SMO: variants seen among roughly 807,000 people sequenced by gnomAD.
The protein encoded by SMO is smoothened, frizzled class receptor.
A neutral mutation model predicts 81.6 loss-of-function variants in SMO; 40 were observed. The observed-to-expected ratio is 0.49, with a 90% CI of 0.38 to 0.64. The LOEUF (loss-of-function observed/expected upper bound fraction) is 0.64, where lower values mean the gene tolerates loss of function less well. Ranked by LOEUF, SMO falls within the 30% of genes least tolerant of loss-of-function variation. The pLI, the probability that SMO is intolerant of heterozygous loss-of-function variation, is 0.00. For synonymous variants in SMO, 434 were observed against 432.1 expected (o/e 1.00, Z -0.05); for missense variants, 916 against 1,061.1 (o/e 0.86, Z 1.90).
chr7:129,197,031 A>AT (rs1278772850), intron 1 of SMO, among the ~76,000 whole-genome samples: 21 of 151,462 alleles, frequency 1.4e-4, no homozygotes, highest in African/African-American at 4.6e-4. Flanking sequence ...AAAAAAAAAA[A>AT]AAAGAAATAA....
intron 1 of SMO, among the ~76,000 whole-genome samples, chr7:129,196,229 G>A (rs972930535): frequency 6.6e-6 from 1 of 151,474 alleles, no homozygotes; most frequent in African/African-American, 2.4e-5. Context: ...TGAAATTCAT[G>A]GACCTCTGAA....
In SMO at chr7:129,211,911, T is replaced by C; in HGVS notation, c.1937-113T>C. 7.1e-7 allele frequency: 1 copy of C among 1,416,304 alleles called. No homozygotes were observed. Among genetic ancestry groups the C allele is most frequent in the Non-Finnish European group, 9.6e-7 (1 of 1,037,906 alleles). The allele number at this position is 1,416,304 out of a possible 1,614,324, so 87.7% of individuals were successfully genotyped here. On this transcript the variant is annotated intron_variant, in intron 11 of 11. Coordinates refer to ENST00000249373, the MANE Select transcript of SMO (RefSeq NM_005631.5). The surrounding 1 kb of genome is among the most constrained non-coding windows in gnomAD (Gnocchi z 4.6). ...GATCTGAAGAGTGGGGCTGAGGCTC[T>C]AAGAGTCTAGAGACCTGGGCCCCAG...
chr7:129,192,230 A>C (rs1793492180), intron 1 of SMO, among the ~76,000 whole-genome samples: 1 of 152,150 alleles, frequency 6.6e-6, no homozygotes, highest in Non-Finnish European at 1.5e-5. Flanking sequence ...GTTTGAAGGG[A>C]TAGGAAGAGG....
In SMO at chr7:129,189,141, C is replaced by G. The variant is rs1226577963; in HGVS notation, c.-11C>G. 3 of 1,193,760 alleles carry G rather than the reference C, an allele frequency of 2.5e-6. No homozygotes were observed. Among genetic ancestry groups the G allele is most frequent in the Admixed American group, 4.4e-5 (1 of 22,790 alleles). 73.9% of individuals were successfully genotyped at this position (1,193,760 alleles called of 1,614,324 possible). The stretch of plus-strand genomic sequence containing the variant: ...GGCGCCGGGGCTTTTGCTGAGTTGG[C>G]GGGGTTGGCCATGGCCGCTGCCCGC... On this transcript the variant is annotated 5_prime_UTR_variant, in exon 1 of 12. Transcript: ENST00000249373. This position sits in a 1 kb window ranked among gnomAD's most constrained non-coding sequence, Gnocchi z 4.7.
In SMO at chr7:129,210,914, A is replaced by G. The variant is rs1793858047; in HGVS notation, c.1653-51A>G. The G allele has an allele frequency of 1.3e-6, 2 of 1,534,848 alleles. No homozygotes were observed. Among genetic ancestry groups the G allele is most frequent in the South Asian group, 1.3e-5 (1 of 79,220 alleles). On this transcript the variant is annotated intron_variant, in intron 9 of 11. Coordinates refer to ENST00000249373, the MANE Select transcript of SMO (RefSeq NM_005631.5). This position sits in a 1 kb window ranked among gnomAD's most constrained non-coding sequence, Gnocchi z 4.7. ...CATCGCTGGCCCTTCCCAAGATTTG[A>G]TGGGAAGTGGCAGCTTCTTCACGCT...
intron 1 of SMO, among the ~76,000 whole-genome samples, chr7:129,197,523 G>A (rs1202026315): frequency 1.3e-5 from 2 of 152,120 alleles, no homozygotes; most frequent in Non-Finnish European, 1.5e-5. Context: ...TGCCTCCTGG[G>A]TTCAAGCGAT....
chr7:129,211,880 C>T lies in SMO; in HGVS notation c.1936+110C>T. On this transcript the variant is annotated intron_variant, in intron 11 of 11. Transcript: ENST00000249373. This position sits in a 1 kb window ranked among gnomAD's most constrained non-coding sequence, Gnocchi z 4.6. ...GGAGGAGGAAGAGGAAGGAAAGGCCCCAGAGGATCTGAAGAGTGGGGCTGA... is the reference window on the plus strand; with the variant it reads ...GGAGGAGGAAGAGGAAGGAAAGGCCTCAGAGGATCTGAAGAGTGGGGCTGA... 1 of 1,484,410 alleles carries T rather than the reference C, an allele frequency of 6.7e-7. No homozygotes were observed. The highest frequency in any genetic ancestry group is 9.3e-7 in the Non-Finnish European group (1 of 1,077,320). 92.0% of individuals were successfully genotyped at this position (1,484,410 alleles called of 1,614,324 possible).
Position 129,189,403 on chromosome 7 carries a change from C to T in SMO, c.252C>T (p.Pro84=), listed in dbSNP as rs2150638327. The change falls in exon 1 of 12, where the codon CCC becomes CCT. Residue 84 remains proline, a synonymous_variant. Transcript: ENST00000249373. This position sits in a 1 kb window ranked among gnomAD's most constrained non-coding sequence, Gnocchi z 4.7. ...ACGTGTGCCTGGGCTCGGTGCTGCC[C>T]TACGGGGCCACCTCCACACTGCTGG... The part of the protein sequence containing the change: ...RYNVCLGSVL[P]YGATSTLLAG... 1 of 1,537,986 alleles carries T rather than the reference C, an allele frequency of 6.5e-7. No homozygotes were observed. Among genetic ancestry groups the T allele is most frequent in the South Asian group, 1.2e-5 (1 of 84,034 alleles).
chr7:129,199,324 C>T (rs542956147), intron 1 of SMO, among the ~76,000 whole-genome samples: 8 of 151,968 alleles, frequency 5.3e-5, no homozygotes, highest in Non-Finnish European at 8.8e-5. Context: ...GGATTACAGG[C>T]GCCCACCACC....
intron 1 of SMO, among the ~76,000 whole-genome samples, chr7:129,193,785 A>AAAAAATATAT (rs1563145734): frequency 3.8e-5 from 1 of 26,356 alleles, no homozygotes; most frequent in African/African-American, 1.7e-4. Context: ...AAAAAAAAAA[A>AAAAAATATAT]ATATATATAT....
rs756814089 is a variant in SMO, at chr7:129,210,742, C to G, written c.1652+194C>G. The stretch of plus-strand genomic sequence containing the variant: ...CCTGGGCCAAGGGCAGAGCCAGCTG[C>G]CATCACCTTTTAAGAGCGGAGTGAT... On this transcript the variant is annotated intron_variant, in intron 9 of 11. Transcript: ENST00000249373. The surrounding 1 kb of genome is among the most constrained non-coding windows in gnomAD (Gnocchi z 4.7). Among the ~76,000 whole-genome samples the G allele has an allele frequency of 2.6e-5, 4 of 152,260 alleles. No individual in the cohort carries two copies. Among genetic ancestry groups the G allele is most frequent in the Non-Finnish European group, 5.9e-5 (4 of 68,044 alleles).
At chr7:129,200,728 T>G (rs965624315) in intron 1 of SMO, among the ~76,000 whole-genome samples, 23 of 151,424 alleles carry the variant, frequency 1.5e-4, no homozygotes, top group East Asian at 7.7e-4. Context: ...TTACAGTTTT[T>G]TTTTTGTTGT....
At chr7:129,194,092 C>T (rs1793530513) in intron 1 of SMO, among the ~76,000 whole-genome samples, 1 of 151,208 alleles carries the variant, frequency 6.6e-6, no homozygotes, top group Admixed American at 6.6e-5. Context: ...AGAGCAAGAC[C>T]CTGTCTCAAA....
chr7:129,207,925 AGTC>A (rs1793800573), intron 6 of SMO, among the ~76,000 whole-genome samples: 2 of 152,054 alleles, frequency 1.3e-5, no homozygotes, highest in African/African-American at 4.8e-5. Flanking sequence ...AAAAGAAACA[AGTC>A]CAAATTGAGA....
In SMO at chr7:129,204,522, T is replaced by C. The variant is rs112043975; in HGVS notation, c.538-681T>C. Among the ~76,000 whole-genome samples, 1,130 of 151,816 alleles carry C rather than the reference T, an allele frequency of 7.4e-3. 7 individuals carry two copies. The highest frequency in any genetic ancestry group is 0.012 in the Non-Finnish European group (786 of 67,954). ...TTAGCCAGACATGGTGGTGGGCACCTGTATTCTCAGCTACTTGGGAGGCTG... is the reference window on the plus strand; with the variant it reads ...TTAGCCAGACATGGTGGTGGGCACCCGTATTCTCAGCTACTTGGGAGGCTG... On this transcript the variant is annotated intron_variant, in intron 2 of 11. Coordinates refer to ENST00000249373, the MANE Select transcript of SMO (RefSeq NM_005631.5).
At chr7:129,209,180 C>T in intron 7 of SMO, 109 bp from the exon 8 acceptor site, 2 of 694,446 alleles carry the variant, frequency 2.9e-6, no homozygotes, top group Non-Finnish European at 5.2e-6. Context: ...GAGTTCACCC[C>T]AGCCCCAGCT....
chr7:129,189,112 CG>C lies in SMO; in HGVS notation c.-35del, dbSNP rs1435328538. The C allele has an allele frequency of 2.5e-6, 3 of 1,199,984 alleles. No homozygotes were observed. The highest frequency in any genetic ancestry group is 8.8e-5 in the Admixed American group (2 of 22,774). The allele number at this position is 1,199,984 out of a possible 1,614,324, so 74.3% of individuals were successfully genotyped here. A position where few individuals can be genotyped will look rare whatever the true frequency, so the allele number is the denominator to read the frequency against. ...TGGCCGGGGGGCTCCGAGGAGCAGG[CG>C]GGGGCGCCGGGGCTTTTGCTGAGTT... is the stretch of plus-strand genomic sequence containing the variant. On this transcript the variant is annotated 5_prime_UTR_variant, in exon 1 of 12. Coordinates refer to ENST00000249373, the MANE Select transcript of SMO (RefSeq NM_005631.5). This position sits in a 1 kb window ranked among gnomAD's most constrained non-coding sequence, Gnocchi z 4.7.
chr7:129,210,320 AAAAG>A lies in SMO; in HGVS notation c.1467-38_1467-35del. ...ATCCTATCTCAAAAAAAGAGAGAGG[AAAAG>A]AAAGGAAAGCCTCACCTGTCTACGT... On this transcript the variant is annotated intron_variant, in intron 8 of 11. Transcript: ENST00000249373. The surrounding 1 kb of genome is among the most constrained non-coding windows in gnomAD (Gnocchi z 4.7). The A allele has an allele frequency of 1.3e-6, 2 of 1,527,422 alleles. No individual in the cohort carries two copies. The highest frequency in any genetic ancestry group is 2.2e-5 in the South Asian group (2 of 88,960). The allele number at this position is 1,527,422 out of a possible 1,614,324, so 94.6% of individuals were successfully genotyped here.
Position 129,211,716 on chromosome 7 carries a change from C to T in SMO, c.1882C>T (p.Arg628Trp), listed in dbSNP as rs200477210. The change falls in exon 11 of 12, where the codon CGG becomes TGG. Residue 628 changes from arginine to tryptophan, a missense_variant. Arg to Trp is a moderately radical substitution (Grantham distance 101). Around this residue, in one of 4 missense-constraint regions of SMO, gnomAD observed 324 missense variants for 312.9 expected, o/e 1.04. Coordinates refer to ENST00000249373, the MANE Select transcript of SMO (RefSeq NM_005631.5). The surrounding 1 kb of genome is among the most constrained non-coding windows in gnomAD (Gnocchi z 4.6). ...CCAGCATGTCACCAAGATGGTGGCT[C>T]GGAGAGGAGCCATACTGCCCCAGGA... ...WAQHVTKMVA[R>W]RGAILPQDIS... 34 of 1,613,860 alleles carry T rather than the reference C, an allele frequency of 2.1e-5. No individual in the cohort carries two copies. The East Asian group carries it at 2.5e-4, about 12-fold the overall frequency.
Sources: allele counts gnomAD v4.1 joint callset (sites outside exome capture counted in the v4.1 genomes callset), GRCh38; gene constraint gnomAD v4.1.1; regional missense constraint gnomAD v4.1.1; non-coding constraint Gnocchi (gnomAD v3.1); transcripts MANE v1.5; gene names NCBI Gene and HGNC (gene_info 2026-07-23, HGNC 2026-07-21).